The following DENND1A variants were observed in gnomAD, a reference collection of about 807,000 sequenced individuals.
DENND1A encodes the protein DENN domain-containing protein 1A.
DENND1A carries 51 observed loss-of-function variants against 113.7 expected under a neutral mutation model. The ratio of observed to expected loss-of-function variants is 0.45; its 90% confidence interval spans 0.36 to 0.57. The LOEUF is 0.57. Ranked by LOEUF, DENND1A falls within the 20% of genes least tolerant of loss-of-function variation. DENND1A has a pLI of 0.00. For missense variants in DENND1A, 1,258 were observed against 1,395.9 expected, an observed-to-expected ratio of 0.90 and a Z score of 1.57; for synonymous variants, 565 against 570.8, an observed-to-expected ratio of 0.99 and a Z score of 0.14.
rs2063070139 is a variant in DENND1A, at chr9:123,658,368, T to G, written c.508-6245A>C. 2.6e-5 allele frequency among the ~76,000 whole-genome samples: 4 copies of G among 152,080 alleles called. No homozygotes were observed. In the South Asian group the frequency reaches 8.3e-4, roughly 31 times the overall value. ...TACATAACTGTTCATGATCTGTGAC[T>G]TTTTTTTAAATGCAGGTCAACTGTT... On this transcript the variant is annotated intron_variant, in intron 8 of 23. Coordinates refer to ENST00000394215, the MANE Select transcript of DENND1A (RefSeq NM_001352964.2).
chr9:123,402,715 T>C (rs1416321124), intron 21 of DENND1A: 5 of 466,680 alleles, frequency 1.1e-5, no homozygotes, highest in Non-Finnish European at 2.2e-5. Context: ...CTTCTGCAGA[T>C]GGCTCTGGTC....
chr9:123,469,397 C>A (rs559945745), intron 13 of DENND1A, among the ~76,000 whole-genome samples: 1 of 152,222 alleles, frequency 6.6e-6, no homozygotes, highest in African/African-American at 2.4e-5. Flanking sequence ...TCTGGCCGGC[C>A]GCTCTGGTAT....
At chr9:123,668,466 T>C (rs2063597636) in intron 7 of DENND1A, among the ~76,000 whole-genome samples, 1 of 152,220 alleles carries the variant, frequency 6.6e-6, no homozygotes, top group Non-Finnish European at 1.5e-5. Flanking sequence ...TTATCTCTAA[T>C]TCCCACAACA....
intron 5 of DENND1A, among the ~76,000 whole-genome samples, chr9:123,684,127 T>C (rs1171658144): frequency 2.0e-5 from 3 of 152,196 alleles, no homozygotes; most frequent in African/African-American, 7.2e-5. Flanking sequence ...TCTACTCTTT[T>C]TGTTCCCATT....
chr9:123,475,946 G>A (rs924367122), intron 13 of DENND1A, among the ~76,000 whole-genome samples: 1 of 152,202 alleles, frequency 6.6e-6, no homozygotes, highest in Non-Finnish European at 1.5e-5. Flanking sequence ...CACTTTGGGA[G>A]GCCAAGGCGG....
At chr9:123,796,217 C>T (rs1278506666) in intron 2 of DENND1A, among the ~76,000 whole-genome samples, 2 of 152,198 alleles carry the variant, frequency 1.3e-5, no homozygotes, top group African/African-American at 4.8e-5. Context: ...GATGTCACAG[C>T]ACCATGGCCA....
chr9:123,687,506 T>C (rs139582626), intron 5 of DENND1A, among the ~76,000 whole-genome samples: 31 of 152,326 alleles, frequency 2.0e-4, no homozygotes, highest in African/African-American at 5.3e-4. Flanking sequence ...AGAATGACCC[T>C]GTGCAAGGAA....
At chr9:123,409,763 C>A (rs890638625) in intron 20 of DENND1A, among the ~76,000 whole-genome samples, 1 of 152,068 alleles carries the variant, frequency 6.6e-6, no homozygotes, top group African/African-American at 2.4e-5. Flanking sequence ...CTGGGCCATT[C>A]CTTAGAAGCT....
At chr9:123,462,571 C>T (rs761368831) in intron 13 of DENND1A, among the ~76,000 whole-genome samples, 13 of 152,068 alleles carry the variant, frequency 8.5e-5, no homozygotes, top group Non-Finnish European at 1.5e-4. Context: ...CTGAGGTGGG[C>T]GGATCACCTG....
intron 1 of DENND1A, among the ~76,000 whole-genome samples, chr9:123,888,087 C>G (rs1849362022): frequency 6.6e-6 from 1 of 152,136 alleles, no homozygotes; most frequent in Non-Finnish European, 1.5e-5. Flanking sequence ...CTTCTAAATA[C>G]AATTCTCCTC....
At chr9:123,770,086 T>C (rs1246632902) in intron 3 of DENND1A, among the ~76,000 whole-genome samples, 1 of 152,224 alleles carries the variant, frequency 6.6e-6, no homozygotes, top group East Asian at 1.9e-4. Flanking sequence ...GCTACATTTT[T>C]TAGAGTTTAA....
chr9:123,416,626 A>T (rs1245900692), intron 19 of DENND1A, among the ~76,000 whole-genome samples: 1 of 152,192 alleles, frequency 6.6e-6, no homozygotes, highest in African/African-American at 2.4e-5. Flanking sequence ...TTTGCTAAGG[A>T]GAGTTCAATT....
chr9:123,885,331 C>T (rs1050256416), intron 1 of DENND1A, among the ~76,000 whole-genome samples: 2 of 152,210 alleles, frequency 1.3e-5, no homozygotes, highest in African/African-American at 4.8e-5. Context: ...ATAATACATT[C>T]TTCCCCACTA....
At chr9:123,425,093 T>C (rs1165764704) in intron 19 of DENND1A, among the ~76,000 whole-genome samples, 1 of 152,256 alleles carries the variant, frequency 6.6e-6, no homozygotes, top group African/African-American at 2.4e-5. Context: ...GATACAGAGC[T>C]GACTCTCTAA....
intron 5 of DENND1A, among the ~76,000 whole-genome samples, chr9:123,720,183 A>G (rs955558930): frequency 1.3e-5 from 2 of 152,220 alleles, no homozygotes; most frequent in South Asian, 4.1e-4. Context: ...GTAGCTCAAC[A>G]TCACCACGTA....
chr9:123,525,662 T>C lies in DENND1A; in HGVS notation c.993+31908A>G, dbSNP rs115022606. Among the ~76,000 whole-genome samples, 1,152 of 151,522 alleles carry C rather than the reference T, an allele frequency of 7.6e-3. 19 individuals carry two copies. Among genetic ancestry groups the C allele is most frequent in the African/African-American group, 0.026 (1,091 of 41,252 alleles). ...ACACAGTACAAAACAAGGCAGCTGGTGGAAAGTCCACTTTCTCCTCACAAA... is the reference window on the plus strand; with the variant it reads ...ACACAGTACAAAACAAGGCAGCTGGCGGAAAGTCCACTTTCTCCTCACAAA... On this transcript the variant is annotated intron_variant, in intron 13 of 23. Transcript: ENST00000394215.
At position 123,603,259 on chromosome 9, in the gene DENND1A, C is replaced by T. The variant is rs568693324; in HGVS notation, c.765+6177G>A. 8.5e-5 allele frequency among the ~76,000 whole-genome samples: 13 copies of T among 152,140 alleles called. No individual in the cohort carries two copies. In the South Asian group the frequency reaches 2.1e-3, roughly 24 times the overall value. ...AGTGCCAACTCAATTGACAGAAATTCCAGTTCTTTGAAATGCAAAGGAAAA... is the reference window on the plus strand; with the variant it reads ...AGTGCCAACTCAATTGACAGAAATTTCAGTTCTTTGAAATGCAAAGGAAAA... On this transcript the variant is annotated intron_variant, in intron 11 of 23. Coordinates refer to ENST00000394215, the MANE Select transcript of DENND1A (RefSeq NM_001352964.2).
intron 5 of DENND1A, 69 bp from the exon 6 acceptor site, chr9:123,676,858 C>A: frequency 1.4e-6 from 2 of 1,417,994 alleles, no homozygotes; most frequent in South Asian, 2.3e-5. Flanking sequence ...GGATCTAATT[C>A]AAGACTGATA....
intron 18 of DENND1A, among the ~76,000 whole-genome samples, chr9:123,441,350 A>G (rs1263439777): frequency 1.3e-5 from 2 of 152,242 alleles, no homozygotes; most frequent in African/African-American, 4.8e-5. Context: ...TTGTTTGTGA[A>G]TAAGATGTGT....
Sources: gnomAD v4.1 joint callset for allele counts (sites outside exome capture counted in the v4.1 genomes callset) on GRCh38, gnomAD v4.1.1 for gene constraint, MANE v1.5 for transcripts, NCBI Gene and HGNC (gene_info 2026-07-23, HGNC 2026-07-21) for gene names.